PTPRD: variants seen among roughly 807,000 people sequenced by gnomAD.
The protein encoded by PTPRD is receptor-type tyrosine-protein phosphatase delta.
PTPRD carries 34 observed loss-of-function variants against 214.5 expected under a neutral mutation model. The observed-to-expected ratio is 0.16, with a 90% CI of 0.12 to 0.21. The LOEUF is 0.21. Ranked by LOEUF, PTPRD falls within the 10% of genes least tolerant of loss-of-function variation. The pLI is 1.00. For synonymous variants in PTPRD, 1,128 were observed against 845.7 expected, an observed-to-expected ratio of 1.33 and a Z score of -5.79; for missense variants, 2,545 against 2,398.7, an observed-to-expected ratio of 1.06 and a Z score of -1.27.
At chr9:8,497,138 G>T (rs1000367232) in intron 26 of PTPRD, 104 bp downstream of exon 26, 1 of 954,184 alleles carries the variant, frequency 1.0e-6, no homozygotes. Context: ...GTTAGTTCAT[G>T]CATCCAAGCA....
In PTPRD at chr9:8,986,003, G is replaced by A. The variant is rs372076814; in HGVS notation, c.-104+32694C>T. On this transcript the variant is annotated intron_variant, in intron 11 of 45. Coordinates refer to ENST00000381196, the MANE Select transcript of PTPRD (RefSeq NM_002839.4). ...TGTTCATCAAATATTAGCTATAAAA[G>A]CTTTTTTACAGTAGTTGATTTAAAT... 2.1e-4 allele frequency among the ~76,000 whole-genome samples: 32 copies of A among 151,990 alleles called. No homozygotes were observed. In the East Asian group the frequency reaches 6.0e-3, roughly 29 times the overall value.
chr9:9,990,427 A>G (rs940705266), intron 4 of PTPRD, among the ~76,000 whole-genome samples: 1 of 152,302 alleles, frequency 6.6e-6, no homozygotes, highest in Non-Finnish European at 1.5e-5. Context: ...AACAGCTGCA[A>G]GTCAGTGAGG....
chr9:9,019,132 T>G (rs2099549199), intron 10 of PTPRD, among the ~76,000 whole-genome samples: 1 of 152,092 alleles, frequency 6.6e-6, no homozygotes. Context: ...TTTCTTGTGT[T>G]GAAAACCTTT....
At chr9:8,594,082 T>A (rs986673690) in intron 14 of PTPRD, among the ~76,000 whole-genome samples, 1 of 152,210 alleles carries the variant, frequency 6.6e-6, no homozygotes. Flanking sequence ...ATGTAATATA[T>A]AATGCCCAGT....
At chr9:9,347,175 A>T (rs1596155166) in intron 9 of PTPRD, among the ~76,000 whole-genome samples, 2 of 152,222 alleles carry the variant, frequency 1.3e-5, no homozygotes, top group Admixed American at 6.5e-5. Flanking sequence ...TTTGAAACAA[A>T]CATAAGCCTC....
intron 7 of PTPRD, among the ~76,000 whole-genome samples, chr9:9,601,491 A>C (rs2093767043): frequency 6.6e-6 from 1 of 152,252 alleles, no homozygotes; most frequent in Middle Eastern, 3.4e-3. Flanking sequence ...TCATAGATAG[A>C]GTCACTGCTG....
intron 8 of PTPRD, among the ~76,000 whole-genome samples, chr9:9,494,473 G>C (rs1174250644): frequency 6.6e-6 from 1 of 152,190 alleles, no homozygotes; most frequent in African/African-American, 2.4e-5. Context: ...AAGCTGATCA[G>C]TCAGCAGCCA....
chr9:9,324,791 C>T (rs893353594), intron 9 of PTPRD, among the ~76,000 whole-genome samples: 1 of 152,088 alleles, frequency 6.6e-6, no homozygotes, highest in Non-Finnish European at 1.5e-5. Context: ...AATGGTATTG[C>T]CTAGGTTTTC....
At chr9:8,853,984 T>C (rs1013382471) in intron 11 of PTPRD, among the ~76,000 whole-genome samples, 3 of 152,042 alleles carry the variant, frequency 2.0e-5, no homozygotes, top group Admixed American at 1.3e-4. Flanking sequence ...TTTAAGAAAA[T>C]AGGAAAAAGT....
chr9:8,796,715 G>T (rs1257178969), intron 11 of PTPRD, among the ~76,000 whole-genome samples: 1 of 152,054 alleles, frequency 6.6e-6, no homozygotes, highest in Non-Finnish European at 1.5e-5. Context: ...TTATGTAGGA[G>T]ACTAAACATG....
At chr9:10,018,953 T>G (rs1447855503) in intron 4 of PTPRD, among the ~76,000 whole-genome samples, 1 of 152,164 alleles carries the variant, frequency 6.6e-6, no homozygotes, top group Non-Finnish European at 1.5e-5. Context: ...AAAGAGCTTC[T>G]GCGCAGCAAA....
In PTPRD at chr9:9,149,766, T is replaced by C. The variant is rs539446515; in HGVS notation, c.-143+33538A>G. On this transcript the variant is annotated intron_variant, in intron 10 of 45. Coordinates refer to ENST00000381196, the MANE Select transcript of PTPRD (RefSeq NM_002839.4). The stretch of plus-strand genomic sequence containing the variant: ...TATGCCTTGGCCTGTAAATTTCAAG[T>C]CTGTTTCCACCTTGGGGTGACAGGC... Among the ~76,000 whole-genome samples the C allele has an allele frequency of 6.6e-5, 10 of 152,312 alleles. No homozygotes were observed. In the South Asian group the frequency reaches 1.7e-3, roughly 25 times the overall value.
At chr9:9,568,251 G>A (rs926423362) in intron 8 of PTPRD, among the ~76,000 whole-genome samples, 4 of 151,850 alleles carry the variant, frequency 2.6e-5, no homozygotes, top group African/African-American at 7.2e-5. Flanking sequence ...AAGCTTGAAA[G>A]GATTCAAAAT....
chr9:8,484,424 G>T, intron 29 of PTPRD, 46 bp from the exon 30 acceptor site: 1 of 1,559,790 alleles, frequency 6.4e-7, no homozygotes, highest in Non-Finnish European at 8.7e-7. Context: ...TATCAGAGAG[G>T]CAAAATATAT....
intron 3 of PTPRD, among the ~76,000 whole-genome samples, chr9:10,223,005 A>T (rs1360710783): frequency 6.6e-6 from 1 of 152,076 alleles, no homozygotes; most frequent in Non-Finnish European, 1.5e-5. Context: ...TGAAAGACAG[A>T]GAATGAAGAG....
chr9:9,958,045 G>C (rs2094076903), intron 4 of PTPRD, among the ~76,000 whole-genome samples: 1 of 152,116 alleles, frequency 6.6e-6, no homozygotes, highest in Non-Finnish European at 1.5e-5. Context: ...AGAGAATCTA[G>C]ACATAGAGCT....
At chr9:8,747,799 A>G (rs1483687793) in intron 11 of PTPRD, among the ~76,000 whole-genome samples, 2 of 152,170 alleles carry the variant, frequency 1.3e-5, no homozygotes, top group Non-Finnish European at 1.5e-5. Flanking sequence ...CAGATGGCCA[A>G]ATTATTATTT....
At chr9:8,342,044 A>T in intron 39 of PTPRD, 66 bp from the exon 40 acceptor site, 1 of 1,420,354 alleles carries the variant, frequency 7.0e-7, no homozygotes, top group Non-Finnish European at 9.3e-7. Context: ...TAATAAAAGT[A>T]TTTTTATTAT....
At chr9:10,387,848 A>AAT (rs2097954149) in intron 2 of PTPRD, among the ~76,000 whole-genome samples, 1,095 of 105,982 alleles carry the variant, frequency 0.01, 25 homozygotes, top group African/African-American at 0.036. Flanking sequence ...TTTTTTTGAG[A>AAT]AAAGGTCTCA....
Sources: gnomAD v4.1 joint callset for allele counts (sites outside exome capture counted in the v4.1 genomes callset) on GRCh38, gnomAD v4.1.1 for gene constraint, MANE v1.5 for transcripts, NCBI Gene and HGNC (gene_info 2026-07-23, HGNC 2026-07-21) for gene names.